The following TENM1 variants were observed in gnomAD, a reference collection of about 807,000 sequenced individuals.
TENM1 encodes teneurin-1.
Under a neutral mutation model 174.8 loss-of-function variants are expected in TENM1, and 35 were observed. That is an observed-to-expected ratio of 0.20 (90% CI 0.15 to 0.27). The LOEUF is 0.27. TENM1 is among the 10% of genes least tolerant of loss of function. The pLI is 1.00. For missense variants in TENM1, 1,633 were observed against 2,130.1 expected, an observed-to-expected ratio of 0.77 and a Z score of 4.59; for synonymous variants, 781 against 798.7, an observed-to-expected ratio of 0.98 and a Z score of 0.37.
At chrX:124,413,498 T>C (rs1268254728) in intron 25 of TENM1, among the ~76,000 whole-genome samples, 2 of 111,892 alleles carry the variant, frequency 1.8e-5, no homozygotes, top group Admixed American at 1.9e-4. Context: ...CCATCGATAG[T>C]GCTTCTGGGA....
chrX:124,415,999 C>T (rs1171510561), intron 25 of TENM1, among the ~76,000 whole-genome samples: 2 of 111,784 alleles, frequency 1.8e-5, no homozygotes, highest in Admixed American at 1.9e-4. Flanking sequence ...TCTCCTCCAG[C>T]TCTAATTTCT....
intron 23 of TENM1, among the ~76,000 whole-genome samples, chrX:124,440,516 A>T (rs2060891709): frequency 8.9e-6 from 1 of 111,888 alleles, no homozygotes; most frequent in Non-Finnish European, 1.9e-5. Flanking sequence ...GTCAGTTTTT[A>T]CATCTAGTAC....
chrX:124,802,185 C>A lies in TENM1; in HGVS notation c.536-64988G>T, dbSNP rs1252780584. ...GCATTGTGAGCATTTGGAGAAGAGGCACTCTGGCCTTTTGGGTTTTCAACT... is the reference window on the plus strand; with the variant it reads ...GCATTGTGAGCATTTGGAGAAGAGGAACTCTGGCCTTTTGGGTTTTCAACT... On this transcript the variant is annotated intron_variant, in intron 3 of 31. Transcript: ENST00000422452. 2.7e-5 allele frequency among the ~76,000 whole-genome samples: 3 copies of A among 111,690 alleles called. No individual in the cohort carries two copies. In the Admixed American group the frequency reaches 2.8e-4, roughly 11 times the overall value.
chrX:124,464,347 C>G (rs951482366), intron 22 of TENM1, among the ~76,000 whole-genome samples: 2 of 111,954 alleles, frequency 1.8e-5, no homozygotes, highest in African/African-American at 6.5e-5. Flanking sequence ...CCCAAATACT[C>G]AATAAAAGCA....
intron 27 of TENM1, among the ~76,000 whole-genome samples, chrX:124,400,338 C>T (rs1437367874): frequency 1.8e-5 from 2 of 111,420 alleles, no homozygotes; most frequent in Admixed American, 9.5e-5. Flanking sequence ...TTGGCTGCCC[C>T]CACCAATTCC....
chrX:124,393,630 T>C (rs2060304449), intron 27 of TENM1, among the ~76,000 whole-genome samples: 1 of 111,996 alleles, frequency 8.9e-6, no homozygotes, highest in Non-Finnish European at 1.9e-5. Context: ...TGTTTTGTTG[T>C]GTTAAAACTT....
chrX:124,963,705 G>T (rs749723142), exon 1 of TENM1: 2 of 1,211,540 alleles, frequency 1.7e-6, no homozygotes, highest in South Asian at 3.5e-5. Context: ...TCCATTTCAT[G>T]CTTGACTTTT....
At chrX:124,551,876 T>C (rs962788392) in intron 14 of TENM1, among the ~76,000 whole-genome samples, 2 of 112,056 alleles carry the variant, frequency 1.8e-5, no homozygotes, top group Non-Finnish European at 3.8e-5. Flanking sequence ...GTCAATGGTT[T>C]GCAATGGCAG....
intron 5 of TENM1, among the ~76,000 whole-genome samples, chrX:124,694,987 A>T (rs752150229): frequency 8.9e-6 from 1 of 112,354 alleles, no homozygotes; most frequent in South Asian, 3.7e-4. Context: ...AGACTTTTTT[A>T]GAATTAACAC....
At chrX:125,158,407 A>G in the TENM1 span, among the ~76,000 whole-genome samples, 1 of 105,303 alleles carries the variant, frequency 9.5e-6, no homozygotes, top group Non-Finnish European at 1.9e-5. Context: ...ATCTCAAAAA[A>G]AAAAAAAAAA....
chrX:124,397,889 G>A (rs1364687092), intron 27 of TENM1, among the ~76,000 whole-genome samples: 6 of 108,281 alleles, frequency 5.5e-5, no homozygotes, highest in Admixed American at 1.9e-4. Context: ...CACCGTGCCC[G>A]GCCTCCTGCA....
chrX:125,142,690 T>C, the TENM1 span, among the ~76,000 whole-genome samples: 5 of 111,694 alleles, frequency 4.5e-5, no homozygotes, highest in African/African-American at 1.3e-4. Context: ...TCTACATCTC[T>C]AGGCATCTCA....
intron 15 of TENM1, among the ~76,000 whole-genome samples, chrX:124,540,895 A>G (rs2048304516): frequency 8.9e-6 from 1 of 111,889 alleles, no homozygotes; most frequent in South Asian, 3.8e-4. Context: ...ATTGCTCCTT[A>G]TATTCCACTT....
At chrX:125,112,070 T>C in the TENM1 span, among the ~76,000 whole-genome samples, 1 of 110,192 alleles carries the variant, frequency 9.1e-6, no homozygotes, top group Middle Eastern at 4.2e-3. Flanking sequence ...ATTTATGTCT[T>C]TTACATTAGG....
the TENM1 span, among the ~76,000 whole-genome samples, chrX:125,155,140 G>A: frequency 9.0e-6 from 1 of 111,118 alleles, no homozygotes; most frequent in Non-Finnish European, 1.9e-5. Context: ...AAATCCCTGA[G>A]CTAGACACAA....
chrX:125,179,818 C>T, the TENM1 span, among the ~76,000 whole-genome samples: 1 of 108,916 alleles, frequency 9.2e-6, no homozygotes, highest in Non-Finnish European at 1.9e-5. Context: ...AATTCTGATG[C>T]ATACTCAAGT....
chrX:124,469,361 G>A (rs932919456), intron 22 of TENM1, among the ~76,000 whole-genome samples: 2 of 111,547 alleles, frequency 1.8e-5, no homozygotes, highest in Admixed American at 9.5e-5. Context: ...CCCATCTTGC[G>A]TCATTTCATC....
intron 11 of TENM1, among the ~76,000 whole-genome samples, chrX:124,577,476 C>T (rs2049195001): frequency 9.0e-6 from 1 of 111,278 alleles, no homozygotes; most frequent in Admixed American, 9.5e-5. Context: ...TATAGTATTT[C>T]AATGCATAGT....
At position 124,524,828 on chromosome X, in the gene TENM1, G is replaced by A. The variant is rs760035602; in HGVS notation, c.2772-1203C>T. On this transcript the variant is annotated intron_variant, in intron 16 of 31. Transcript: ENST00000422452. ...AGTATAATGACGTCTTTGAGATGAC[G>A]TACTTGAGAGCATCTGAAAAGCATA... is the stretch of plus-strand genomic sequence containing the variant. Among the ~76,000 whole-genome samples, 17 of 111,353 alleles carry A rather than the reference G, an allele frequency of 1.5e-4. No homozygotes were observed. In the South Asian group the frequency reaches 2.7e-3, roughly 18 times the overall value.
Sources: gnomAD v4.1 joint callset for allele counts (sites outside exome capture counted in the v4.1 genomes callset) on GRCh38, gnomAD v4.1.1 for gene constraint, MANE v1.5 for transcripts, NCBI Gene and HGNC (gene_info 2026-07-23, HGNC 2026-07-21) for gene names.